The following PRSS55 variants were observed in gnomAD, a reference collection of about 807,000 sequenced individuals.
The protein encoded by PRSS55 is probable serine protease UNQ9391/PRO34284.
A neutral mutation model predicts 23.6 loss-of-function variants in PRSS55; 41 were observed. The ratio of observed to expected loss-of-function variants is 1.74; its 90% CI spans 1.35 to 2.26. PRSS55 has a LOEUF of 2.26. Ranked by LOEUF, PRSS55 falls within the 30% of genes most tolerant of loss-of-function variation. PRSS55 has a pLI of 0.00. For missense variants in PRSS55, 669 were observed against 439.1 expected, an observed-to-expected ratio of 1.52 and a Z score of -4.68; for synonymous variants, 262 against 175.5, an observed-to-expected ratio of 1.49 and a Z score of -3.90.
At chr8:10,551,002 G>C (rs1295884804) in intron 4 of PRSS55, among the ~76,000 whole-genome samples, 4 of 152,204 alleles carry the variant, frequency 2.6e-5, no homozygotes, top group African/African-American at 9.7e-5. Context: ...CAGGCTTCCA[G>C]TACATTTTGA....
intron 4 of PRSS55, chr8:10,547,500 C>T (rs1421962475): frequency 6.5e-6 from 1 of 152,878 alleles, no homozygotes; most frequent in African/African-American, 2.4e-5. Context: ...ATTCCAGGGC[C>T]CTCGGCCTCA....
intron 4 of PRSS55, among the ~76,000 whole-genome samples, chr8:10,543,955 T>C (rs1407479978): frequency 6.6e-6 from 1 of 152,220 alleles, no homozygotes; most frequent in Non-Finnish European, 1.5e-5. Flanking sequence ...TGATCTATCC[T>C]AAAGAATATT....
chr8:10,543,458 TCC>T (rs376124932), downstream of PRSS55, among the ~76,000 whole-genome samples: 64,696 of 106,606 alleles, frequency 0.61, 21,097 homozygotes, highest in South Asian at 0.77. Context: ...CTTCCTTCCT[TCC>T]TTCCTTTCTT....
chr8:10,538,085 A>C (rs1812517685), intron 4 of PRSS55, among the ~76,000 whole-genome samples: 1 of 152,166 alleles, frequency 6.6e-6, no homozygotes, highest in East Asian at 1.9e-4. Flanking sequence ...GCAACACTTC[A>C]CATGTCCCAT....
chr8:10,525,883 C>T lies in PRSS55; in HGVS notation c.154+144C>T, dbSNP rs570230318. ...CCAAACCACTTGTCCTTTCTCTCCTCTCTCCCCTGGCCCAGTGTTTGACTT... is the reference window on the plus strand; with the variant it reads ...CCAAACCACTTGTCCTTTCTCTCCTTTCTCCCCTGGCCCAGTGTTTGACTT... On this transcript the variant is annotated intron_variant, in intron 1 of 4. Coordinates refer to ENST00000328655, the MANE Select transcript of PRSS55 (RefSeq NM_198464.4). 6 of 908,794 alleles carry T rather than the reference C, an allele frequency of 6.6e-6. No individual in the cohort carries two copies. The Admixed American group carries it at 8.7e-5, about 13-fold the overall frequency. The allele number at this position is 908,794 out of a possible 1,614,324, so 56.3% of individuals were successfully genotyped here. A position where few individuals can be genotyped will look rare whatever the true frequency, so the allele number is the denominator to read the frequency against.
Position 10,532,993 on chromosome 8 carries a change from T to G in PRSS55, c.686T>G (p.Leu229Arg). The G allele has an allele frequency of 6.2e-7, 1 of 1,614,176 alleles. No individual in the cohort carries two copies. Among genetic ancestry groups the G allele is most frequent in the Non-Finnish European group, 8.5e-7 (1 of 1,180,024 alleles). Residue 229 changes from leucine (L) to arginine (R), a missense_variant, in exon 4 of 5, where the codon CTT becomes CGT. Transcript: ENST00000328655. ...WEECSKMFPK[L>R]TKNMLCAGYK... is the part of the protein sequence containing the mutation. ...GAGTGTTCAAAGATGTTTCCAAAAC[T>G]TACCAAAAATATGCTGTGTGCCGGA...
chr8:10,548,287 T>C (rs1310865741), intron 4 of PRSS55, among the ~76,000 whole-genome samples: 1 of 151,976 alleles, frequency 6.6e-6, no homozygotes, highest in Non-Finnish European at 1.5e-5. Flanking sequence ...GGCTTCAGTG[T>C]CTCCCTGTGC....
chr8:10,538,711 G>A lies in PRSS55; in HGVS notation c.977G>A (p.Gly326Glu). ...AAACCTATGGGCTCCCCAGTCTCGG[G>A]AGTCCCAGAGCCAGGCAGCCCCAGA... ...KQKPMGSPVS[G>E]VPEPGSPRSW... is the part of the protein sequence containing the mutation. Residue 326 changes from glycine (G) to glutamate (E), a missense_variant, in exon 5 of 5, where the codon GGA (glycine) becomes GAA (glutamate). Physicochemically the swap from Gly to Glu is moderately conservative, Grantham distance 98. Transcript: ENST00000328655. The A allele has an allele frequency of 1.2e-6, 2 of 1,613,972 alleles. No homozygotes were observed. Among genetic ancestry groups the A allele is most frequent in the Non-Finnish European group, 8.5e-7 (1 of 1,179,966 alleles).
chr8:10,529,083 C>A (rs960222677), intron 1 of PRSS55, among the ~76,000 whole-genome samples: 4 of 152,238 alleles, frequency 2.6e-5, no homozygotes, highest in Non-Finnish European at 4.4e-5. Flanking sequence ...GCCCCCCTTT[C>A]CTTGCAAGCT....
intron 4 of PRSS55, among the ~76,000 whole-genome samples, chr8:10,544,791 G>T (rs1184495196): frequency 6.6e-6 from 1 of 152,052 alleles, no homozygotes; most frequent in African/African-American, 2.4e-5. Context: ...TTCCTACGTA[G>T]TCCTATTTCC....
At chr8:10,537,027 A>T (rs1265579222) in intron 4 of PRSS55, among the ~76,000 whole-genome samples, 1 of 152,222 alleles carries the variant, frequency 6.6e-6, no homozygotes, top group African/African-American at 2.4e-5. Context: ...GTAAAATAAA[A>T]GTTGAAAAAG....
intron 4 of PRSS55, chr8:10,553,799 A>C (rs1813002349): frequency 1.8e-6 from 1 of 553,250 alleles, no homozygotes; most frequent in Non-Finnish European, 3.1e-6. Context: ...TCTCATCATG[A>C]AAAAGCAATA....
At chr8:10,542,074 G>A (rs1812671886), downstream of PRSS55, among the ~76,000 whole-genome samples, 1 of 152,214 alleles carries the variant, frequency 6.6e-6, no homozygotes, top group South Asian at 2.1e-4. Flanking sequence ...CACCGCACCT[G>A]GCCCTGTTTC....
At chr8:10,526,687 G>C (rs1249295790) in intron 1 of PRSS55, among the ~76,000 whole-genome samples, 1 of 152,186 alleles carries the variant, frequency 6.6e-6, no homozygotes, top group African/African-American at 2.4e-5. Flanking sequence ...AAGAATGTGG[G>C]GGATGGATCC....
intron 4 of PRSS55, among the ~76,000 whole-genome samples, chr8:10,533,591 TA>T (rs1374161663): frequency 6.6e-6 from 1 of 152,178 alleles, no homozygotes; most frequent in Non-Finnish European, 1.5e-5. Context: ...ACGTTCTTTC[TA>T]AAAAATTATT....
chr8:10,533,919 G>T (rs933152795), intron 4 of PRSS55, among the ~76,000 whole-genome samples: 7 of 152,200 alleles, frequency 4.6e-5, no homozygotes, highest in African/African-American at 1.7e-4. Flanking sequence ...GATAGGCTAT[G>T]AGAGCCTTGA....
downstream of PRSS55, among the ~76,000 whole-genome samples, chr8:10,539,526 A>G (rs1447004164): frequency 3.9e-5 from 6 of 152,210 alleles, no homozygotes; most frequent in Non-Finnish European, 8.8e-5. Context: ...TGGTTTGGCT[A>G]TGTCCCCACT....
intron 4 of PRSS55, among the ~76,000 whole-genome samples, chr8:10,549,058 T>G (rs1305338021): frequency 6.6e-6 from 1 of 152,182 alleles, no homozygotes; most frequent in Non-Finnish European, 1.5e-5. Context: ...CAAGGCTAGG[T>G]GGCCCCTGGA....
chr8:10,538,027 C>G (rs1812515733), intron 4 of PRSS55, among the ~76,000 whole-genome samples: 1 of 152,212 alleles, frequency 6.6e-6, no homozygotes, highest in Non-Finnish European at 1.5e-5. Context: ...GAATGTCCTT[C>G]TCTCTGTGCT....
Sources: allele counts gnomAD v4.1 joint callset (sites outside exome capture counted in the v4.1 genomes callset), GRCh38; gene constraint gnomAD v4.1.1; transcripts MANE v1.5; gene names NCBI Gene and HGNC (gene_info 2026-07-23, HGNC 2026-07-21).